The following SHLD1 variants were observed in gnomAD, a reference collection of about 807,000 sequenced individuals.
SHLD1 encodes the protein RINN1-REV7-interacting novel NHEJ regulator 3.
A neutral mutation model predicts 5.5 loss-of-function variants in SHLD1; 3 were observed. The ratio of observed to expected loss-of-function variants is 0.54; its 90% CI spans 0.25 to 1.40. The LOEUF is 1.40. Ranked by LOEUF, SHLD1 falls within the 40% of genes most tolerant of loss-of-function variation. The pLI, the probability that SHLD1 is intolerant of heterozygous loss-of-function variation, is 0.15. For synonymous variants in SHLD1, 92 were observed against 94.3 expected (o/e 0.98, Z 0.14); for missense variants, 210 against 244.4 (o/e 0.86, Z 0.94).
At chr20:5,816,089 G>GAAAAAAAA (rs141881349) in intron 2 of SHLD1, among the ~76,000 whole-genome samples, 19 of 86,308 alleles carry the variant, frequency 2.2e-4, no homozygotes, top group Admixed American at 2.9e-4. Context: ...TCAAAAAAAC[G>GAAAAAAAA]AAAAAAAAAA....
At chr20:5,767,316 T>C (rs1984893640) in intron 1 of SHLD1, among the ~76,000 whole-genome samples, 1 of 151,974 alleles carries the variant, frequency 6.6e-6, no homozygotes, top group Non-Finnish European at 1.5e-5. Context: ...ATTTTTTAAA[T>C]TTTTAATAGA....
intron 2 of SHLD1, among the ~76,000 whole-genome samples, chr20:5,833,745 A>C (rs553130855): frequency 2.1e-3 from 319 of 152,142 alleles, no homozygotes; most frequent in African/African-American, 6.6e-3. Context: ...GGAAAAGAGA[A>C]AAGAAACATA....
intron 2 of SHLD1, among the ~76,000 whole-genome samples, chr20:5,830,142 T>C (rs2087710553): frequency 6.6e-6 from 1 of 152,176 alleles, no homozygotes; most frequent in South Asian, 2.1e-4. Context: ...CTAAGAGAAA[T>C]GCATCCGTAT....
intron 2 of SHLD1, among the ~76,000 whole-genome samples, chr20:5,775,202 C>CT (rs398061281): frequency 1.8e-3 from 262 of 146,622 alleles, no homozygotes; most frequent in African/African-American, 4.0e-3. Flanking sequence ...CCATACATGG[C>CT]TTTTTTTTTT....
chr20:5,770,620 C>T (rs539379954), intron 1 of SHLD1, among the ~76,000 whole-genome samples: 15 of 152,340 alleles, frequency 9.8e-5, no homozygotes, highest in African/African-American at 3.6e-4. Flanking sequence ...CTCCATCAGT[C>T]CTTCCAGCAG....
chr20:5,762,800 C>CA (rs1984538912), intron 1 of SHLD1, among the ~76,000 whole-genome samples: 1 of 151,986 alleles, frequency 6.6e-6, no homozygotes, highest in African/African-American at 2.4e-5. Context: ...TGGTGAAACT[C>CA]AGTCTTTACT....
chr20:5,757,264 A>G (rs995459787), intron 1 of SHLD1, among the ~76,000 whole-genome samples: 1 of 151,558 alleles, frequency 6.6e-6, no homozygotes, highest in Non-Finnish European at 1.5e-5. Flanking sequence ...TTTAGTAGAG[A>G]TGGGATTTTA....
At chr20:5,755,189 G>T (rs1347387107) in intron 1 of SHLD1, among the ~76,000 whole-genome samples, 1 of 152,190 alleles carries the variant, frequency 6.6e-6, no homozygotes, top group Non-Finnish European at 1.5e-5. Context: ...CTCTTACAAG[G>T]CCTTAAAAGA....
At chr20:5,793,260 GTATT>G in intron 2 of SHLD1, among the ~76,000 whole-genome samples, 1 of 152,162 alleles carries the variant, frequency 6.6e-6, no homozygotes, top group Non-Finnish European at 1.5e-5. Context: ...AGGTCTGTAT[GTATT>G]CTTTTTTGAT....
chr20:5,764,830 T>C (rs1425396163), intron 1 of SHLD1, among the ~76,000 whole-genome samples: 1 of 152,134 alleles, frequency 6.6e-6, no homozygotes, highest in Non-Finnish European at 1.5e-5. Context: ...TTTGAAACTT[T>C]TCATGCAAAA....
At chr20:5,799,974 G>T (rs1169591177) in intron 2 of SHLD1, among the ~76,000 whole-genome samples, 2 of 150,824 alleles carry the variant, frequency 1.3e-5, no homozygotes, top group African/African-American at 4.9e-5. Flanking sequence ...GTAAGAAAGG[G>T]TTTAAGGCCA....
At chr20:5,811,206 C>G (rs1407418286) in intron 2 of SHLD1, among the ~76,000 whole-genome samples, 1 of 152,132 alleles carries the variant, frequency 6.6e-6, no homozygotes, top group Non-Finnish European at 1.5e-5. Flanking sequence ...AGAGAGATGT[C>G]CCAGGTCATA....
chr20:5,809,366 C>T (rs1353201725), intron 2 of SHLD1, among the ~76,000 whole-genome samples: 1 of 152,050 alleles, frequency 6.6e-6, no homozygotes, highest in Non-Finnish European at 1.5e-5. Flanking sequence ...GCTCTGAGCT[C>T]AGAGTTAAAT....
chr20:5,830,824 T>C (rs552014528), intron 2 of SHLD1, among the ~76,000 whole-genome samples: 1 of 152,290 alleles, frequency 6.6e-6, no homozygotes, highest in African/African-American at 2.4e-5. Context: ...CTGATTATAC[T>C]GGGTATATTC....
At chr20:5,807,510 A>G (rs1399849598) in intron 2 of SHLD1, among the ~76,000 whole-genome samples, 1 of 152,106 alleles carries the variant, frequency 6.6e-6, no homozygotes, top group Non-Finnish European at 1.5e-5. Context: ...AGCTGGGACT[A>G]CAGGTGTGTT....
intron 2 of SHLD1, among the ~76,000 whole-genome samples, chr20:5,783,251 G>A (rs1779933675): frequency 6.6e-6 from 1 of 152,096 alleles, no homozygotes; most frequent in African/African-American, 2.4e-5. Context: ...TTGAGACAGA[G>A]TCTCACTCCA....
chr20:5,764,215 G>GTATATATATATATATATA (rs1225900197), intron 1 of SHLD1, among the ~76,000 whole-genome samples: 22 of 109,566 alleles, frequency 2.0e-4, no homozygotes, highest in African/African-American at 7.8e-4. Context: ...ATATTTGTGT[G>GTATATATATATATATATA]TGTGTATATA....
At chr20:5,846,785 T>A (rs1274032887) in intron 2 of SHLD1, among the ~76,000 whole-genome samples, 2 of 152,232 alleles carry the variant, frequency 1.3e-5, no homozygotes, top group African/African-American at 4.8e-5. Flanking sequence ...GTGGGAGAGT[T>A]GATCCAGATA....
At chr20:5,853,400 C>T (rs893790349) in intron 2 of SHLD1, among the ~76,000 whole-genome samples, 12 of 152,062 alleles carry the variant, frequency 7.9e-5, no homozygotes, top group Non-Finnish European at 1.8e-4. Context: ...CAGCCAAGAT[C>T]GCGCCACTGC....
Sources: gnomAD v4.1 joint callset for allele counts (sites outside exome capture counted in the v4.1 genomes callset) on GRCh38, gnomAD v4.1.1 for gene constraint, MANE v1.5 for transcripts, NCBI Gene and HGNC (gene_info 2026-07-23, HGNC 2026-07-21) for gene names.